Variants in OXR1 observed in about 807,000 individuals in gnomAD.
The protein encoded by OXR1 is oxidation resistance 1.
OXR1 carries 41 observed loss-of-function variants against 104.6 expected under a neutral mutation model. That is an observed-to-expected ratio of 0.39 (90% CI 0.31 to 0.51). The LOEUF (loss-of-function observed/expected upper bound fraction) is 0.51, where lower values mean the gene tolerates loss of function less well. OXR1 is among the 20% of genes least tolerant of loss of function. The pLI is 0.77. For missense variants in OXR1, 955 were observed against 1,031.9 expected (o/e 0.93, Z 1.02); for synonymous variants, 348 against 348.4 (o/e 1.00, Z 0.01).
At chr8:106,302,813 G>A (rs1379461305) in intron 1 of OXR1, among the ~76,000 whole-genome samples, 6 of 151,628 alleles carry the variant, frequency 4.0e-5, no homozygotes, top group Non-Finnish European at 8.8e-5. Flanking sequence ...GTACAGTGGC[G>A]CCATCTCGGC....
intron 12 of OXR1, 50 bp downstream of exon 12, chr8:106,737,650 T>A: frequency 1.2e-5 from 8 of 657,102 alleles, no homozygotes; most frequent in African/African-American, 1.9e-5. Flanking sequence ...TACTCCCTGT[T>A]TTTAGTGTTC....
intron 2 of OXR1, among the ~76,000 whole-genome samples, chr8:106,501,948 T>C (rs1489340904): frequency 6.6e-6 from 1 of 152,206 alleles, no homozygotes; most frequent in Non-Finnish European, 1.5e-5. Context: ...TCTCAATTCA[T>C]AATCTATAGT....
intron 1 of OXR1, among the ~76,000 whole-genome samples, chr8:106,323,196 C>A (rs1275408019): frequency 6.6e-6 from 1 of 152,104 alleles, no homozygotes; most frequent in East Asian, 1.9e-4. Context: ...TGGCACATAC[C>A]AGTGGAACAG....
At chr8:106,603,040 A>G (rs1820091929) in intron 3 of OXR1, among the ~76,000 whole-genome samples, 1 of 152,212 alleles carries the variant, frequency 6.6e-6, no homozygotes, top group African/African-American at 2.4e-5. Context: ...TTATTATTTT[A>G]AAAGCATCTT....
chr8:106,552,185 A>G (rs1192864263), intron 3 of OXR1, among the ~76,000 whole-genome samples: 3 of 152,100 alleles, frequency 2.0e-5, no homozygotes, highest in Admixed American at 6.6e-5. Context: ...GGATTTATTC[A>G]TAGTTTGAGA....
chr8:106,440,266 GAA>G (rs1819731300), intron 2 of OXR1, among the ~76,000 whole-genome samples: 1 of 152,096 alleles, frequency 6.6e-6, no homozygotes, highest in African/African-American at 2.4e-5. Flanking sequence ...CTGCTTTGAA[GAA>G]AAGAGTGCAA....
intron 3 of OXR1, among the ~76,000 whole-genome samples, chr8:106,573,766 A>C (rs1270017068): frequency 6.6e-6 from 1 of 152,214 alleles, no homozygotes; most frequent in Non-Finnish European, 1.5e-5. Context: ...TACTGTGAAG[A>C]CTTGAGAATC....
At chr8:106,721,202 G>C (rs1832793258) in intron 11 of OXR1, among the ~76,000 whole-genome samples, 2 of 151,800 alleles carry the variant, frequency 1.3e-5, no homozygotes, top group Admixed American at 1.3e-4. Flanking sequence ...CTTTCCTTTG[G>C]ATTGACTTTT....
At chr8:106,391,138 C>T (rs141398799) in intron 2 of OXR1, among the ~76,000 whole-genome samples, 1 of 152,152 alleles carries the variant, frequency 6.6e-6, no homozygotes, top group African/African-American at 2.4e-5. Context: ...ACAAGATTGA[C>T]CGTGAGTTGA....
At chr8:106,355,520 T>C (rs1815929321) in intron 1 of OXR1, among the ~76,000 whole-genome samples, 1 of 152,122 alleles carries the variant, frequency 6.6e-6, no homozygotes, top group Non-Finnish European at 1.5e-5. Flanking sequence ...TGAGTGCCTG[T>C]TAGGCACATT....
At chr8:106,582,313 A>T (rs1003905678) in intron 3 of OXR1, among the ~76,000 whole-genome samples, 5 of 151,552 alleles carry the variant, frequency 3.3e-5, no homozygotes, top group Non-Finnish European at 7.4e-5. Context: ...GTAAAACAAG[A>T]TTATTTGGAA....
chr8:106,671,443 A>G (rs1826971419), intron 3 of OXR1, among the ~76,000 whole-genome samples: 1 of 152,186 alleles, frequency 6.6e-6, no homozygotes, highest in Non-Finnish European at 1.5e-5. Context: ...ATATCTTGGC[A>G]GTGGCAGACA....
At chr8:106,685,869 C>T (rs1828662814) in intron 6 of OXR1, among the ~76,000 whole-genome samples, 1 of 152,038 alleles carries the variant, frequency 6.6e-6, no homozygotes, top group Non-Finnish European at 1.5e-5. Context: ...AAATAGGGAA[C>T]CACCCCAAAT....
At chr8:106,412,741 G>A (rs1282384255) in intron 2 of OXR1, among the ~76,000 whole-genome samples, 1 of 151,928 alleles carries the variant, frequency 6.6e-6, no homozygotes, top group East Asian at 1.9e-4. Flanking sequence ...ATGTATTTGG[G>A]ATAACTTTTC....
At chr8:106,369,669 C>T (rs1479533964) in intron 2 of OXR1, among the ~76,000 whole-genome samples, 1 of 152,070 alleles carries the variant, frequency 6.6e-6, no homozygotes, top group Non-Finnish European at 1.5e-5. Flanking sequence ...TTCCCCATTG[C>T]TTGTTTTTGT....
rs563159893 is a variant in OXR1 at position 106,296,172 on chromosome 8, A to G, written c.-139+25805A>G. ...CTTCGAGTCTCATGGGCTTATAATC[A>G]ACTTGCACTGTACTCCCAGTCCCTT... On this transcript the variant is annotated intron_variant, in intron 1 of 16. Coordinates refer to ENST00000517566, the MANE Select transcript of OXR1 (RefSeq NM_001198533.2). Among the ~76,000 whole-genome samples, 9 of 152,214 alleles carry G rather than the reference A, an allele frequency of 5.9e-5. No individual in the cohort carries two copies. In the South Asian group the frequency reaches 1.9e-3, roughly 32 times the overall value.
chr8:106,317,281 C>T (rs536776332), intron 1 of OXR1, among the ~76,000 whole-genome samples: 6 of 152,016 alleles, frequency 3.9e-5, no homozygotes, highest in Admixed American at 1.3e-4. Flanking sequence ...AAAAACATAA[C>T]GCTTGCATTT....
intron 3 of OXR1, among the ~76,000 whole-genome samples, chr8:106,644,812 T>A (rs910758392): frequency 2.6e-5 from 4 of 152,180 alleles, no homozygotes; most frequent in Non-Finnish European, 5.9e-5. Context: ...AGAACTAAAG[T>A]AGCAGGCCGC....
chr8:106,341,609 G>C (rs1815252081), intron 1 of OXR1, among the ~76,000 whole-genome samples: 1 of 152,010 alleles, frequency 6.6e-6, no homozygotes, highest in African/African-American at 2.4e-5. Flanking sequence ...ATCTGCTACT[G>C]CTTCCCACAC....
Sources: gnomAD v4.1 joint callset for allele counts (sites outside exome capture counted in the v4.1 genomes callset) on GRCh38, gnomAD v4.1.1 for gene constraint, MANE v1.5 for transcripts, NCBI Gene and HGNC (gene_info 2026-07-23, HGNC 2026-07-21) for gene names.